Variants in ADAMTS9 observed in about 807,000 individuals in gnomAD.
The protein encoded by ADAMTS9 is A disintegrin and metalloproteinase with thrombospondin motifs 9.
ADAMTS9 carries 107 observed loss-of-function variants against 257.1 expected under a neutral mutation model. That is an observed-to-expected ratio of 0.42 (90% CI 0.36 to 0.49). ADAMTS9 has a LOEUF of 0.49. Among genes scored for constraint, ADAMTS9 ranks in the 20% least tolerant of loss-of-function variants. The pLI is 0.03. For missense variants in ADAMTS9, 2,353 were observed against 2,469.1 expected, an observed-to-expected ratio of 0.95 and a Z score of 1.00; for synonymous variants, 982 against 880.9, an observed-to-expected ratio of 1.11 and a Z score of -2.03.
At position 64,687,514 on chromosome 3, in the gene ADAMTS9, C is replaced by A. The variant is rs1211960187; in HGVS notation, c.115+29G>T. On this transcript the variant is annotated intron_variant, in intron 1 of 39. Transcript: ENST00000498707. The surrounding 1 kb of genome is among the most constrained non-coding windows in gnomAD (Gnocchi z 4.4). ...GACCGGGAGGCGGCGTCGGGGCCGG[C>A]GGGGTCCCGGGGGCCGGAGCCTGGT... is the stretch of plus-strand genomic sequence containing the variant. The A allele has an allele frequency of 1.9e-5, 28 of 1,497,702 alleles. No individual in the cohort carries two copies. In the South Asian group the frequency reaches 3.3e-4, roughly 18 times the overall value. 92.8% of individuals were successfully genotyped at this position (1,497,702 alleles called of 1,614,324 possible).
chr3:64,634,679 G>A (rs953603236), intron 12 of ADAMTS9, among the ~76,000 whole-genome samples: 1 of 152,150 alleles, frequency 6.6e-6, no homozygotes, highest in Non-Finnish European at 1.5e-5. Flanking sequence ...ATGGAAACAG[G>A]AAGATCACAG....
At chr3:64,561,080 T>TTA (rs2083413382) in intron 30 of ADAMTS9, among the ~76,000 whole-genome samples, 3 of 151,398 alleles carry the variant, frequency 2.0e-5, no homozygotes, top group Admixed American at 6.6e-5. Context: ...TTTTTTTTTT[T>TTA]AAATGTTAGA....
At chr3:64,522,124 T>C in intron 39 of ADAMTS9, 42 bp downstream of exon 39, 7 of 1,580,120 alleles carry the variant, frequency 4.4e-6, no homozygotes, top group Non-Finnish European at 6.1e-6. Flanking sequence ...CAGAAAAAAA[T>C]AAAAGACAAA....
chr3:64,572,871 A>G (rs537502708), intron 28 of ADAMTS9, among the ~76,000 whole-genome samples: 6 of 152,136 alleles, frequency 3.9e-5, no homozygotes, highest in African/African-American at 1.4e-4. Flanking sequence ...CAAGGTCAAG[A>G]GATCAGGACC....
At chr3:64,522,310 G>T in intron 38 of ADAMTS9, 50 bp from the exon 39 acceptor site, 1 of 1,552,232 alleles carries the variant, frequency 6.4e-7, no homozygotes, top group South Asian at 1.1e-5. Context: ...AATGCTTTCA[G>T]GGCCTGCACT....
chr3:64,673,329 G>A (rs1701536277), intron 3 of ADAMTS9, among the ~76,000 whole-genome samples: 1 of 152,118 alleles, frequency 6.6e-6, no homozygotes, highest in South Asian at 2.1e-4. Flanking sequence ...AATGGCCCAG[G>A]GGCTTTGCTC....
At chr3:64,564,515 C>T (rs1340877812) in intron 29 of ADAMTS9, among the ~76,000 whole-genome samples, 1 of 152,068 alleles carries the variant, frequency 6.6e-6, no homozygotes, top group African/African-American at 2.4e-5. Context: ...AATAATAACA[C>T]AAACTTTTAC....
chr3:64,601,340 C>T (rs940615196), intron 26 of ADAMTS9, among the ~76,000 whole-genome samples: 2 of 152,144 alleles, frequency 1.3e-5, no homozygotes, highest in Non-Finnish European at 2.9e-5. Flanking sequence ...GAGAAGGGAC[C>T]TGCAGAAGGT....
intron 11 of ADAMTS9, among the ~76,000 whole-genome samples, 176 bp from the exon 12 acceptor site, chr3:64,642,169 T>G (rs1700663157): frequency 6.6e-6 from 1 of 152,204 alleles, no homozygotes; most frequent in Admixed American, 6.5e-5. Context: ...TCACACTTAG[T>G]GATTTTAGGC....
intron 28 of ADAMTS9, chr3:64,588,055 G>A (rs2084192335): frequency 6.6e-6 from 1 of 152,090 alleles, no homozygotes; most frequent in South Asian, 2.1e-4. Flanking sequence ...TCTCCAATAG[G>A]AGGTTTTTAA....
chr3:64,619,381 C>A (rs111660288), intron 19 of ADAMTS9, among the ~76,000 whole-genome samples: 2 of 152,208 alleles, frequency 1.3e-5, no homozygotes, highest in African/African-American at 4.8e-5. Flanking sequence ...TAACACTCAT[C>A]GTTATAACTG....
At chr3:64,539,039 G>A (rs559749545) in intron 37 of ADAMTS9, among the ~76,000 whole-genome samples, 164 bp downstream of exon 37, 222 of 152,256 alleles carry the variant, frequency 1.5e-3, no homozygotes, top group Non-Finnish European at 2.6e-3. Context: ...GCTGAATTAC[G>A]AGATTAGACT....
rs180981480 is a variant in ADAMTS9, at chr3:64,627,678, G to A, written c.2389+3777C>T. Among the ~76,000 whole-genome samples the A allele has an allele frequency of 3.0e-3, 450 of 152,170 alleles. 3 individuals carry two copies. Among genetic ancestry groups the A allele is most frequent in the African/African-American group, 3.6e-3 (149 of 41,516 alleles). On this transcript the variant is annotated intron_variant, in intron 16 of 39. Transcript: ENST00000498707. ...CTAATGCCCAACCTCCCACTAATGC[G>A]ATTAAGGGAGCTAATTTCCTGGGTT...
intron 30 of ADAMTS9, among the ~76,000 whole-genome samples, chr3:64,553,527 A>G (rs559748912): frequency 6.6e-6 from 1 of 152,090 alleles, no homozygotes; most frequent in East Asian, 1.9e-4. Flanking sequence ...ACAAATTTAA[A>G]CACCTATTTT....
At chr3:64,613,989 G>T (rs1283308760) in intron 21 of ADAMTS9, among the ~76,000 whole-genome samples, 1 of 152,120 alleles carries the variant, frequency 6.6e-6, no homozygotes, top group East Asian at 1.9e-4. Context: ...AATGCCAAAT[G>T]TAATCATCAT....
intron 29 of ADAMTS9, among the ~76,000 whole-genome samples, chr3:64,567,001 AT>A (rs879293054): frequency 1.0e-4 from 15 of 150,084 alleles, no homozygotes; most frequent in African/African-American, 2.4e-4. Context: ...CTGGGTATAG[AT>A]TTTTTTTTTA....
At chr3:64,600,984 G>A (rs7615234) in intron 26 of ADAMTS9, among the ~76,000 whole-genome samples, 4 of 151,978 alleles carry the variant, frequency 2.6e-5, no homozygotes, top group African/African-American at 7.3e-5. Context: ...ACCTAACTAC[G>A]TCCCTACCCA....
At chr3:64,522,290 C>A in intron 38 of ADAMTS9, 30 bp from the exon 39 acceptor site, 1 of 1,604,888 alleles carries the variant, frequency 6.2e-7, no homozygotes, top group Non-Finnish European at 8.5e-7. Flanking sequence ...GTTAGCCTGC[C>A]TGCTTGGTTA....
At chr3:64,665,501 G>C (rs1701331834) in intron 3 of ADAMTS9, among the ~76,000 whole-genome samples, 3 of 152,198 alleles carry the variant, frequency 2.0e-5, no homozygotes, top group Admixed American at 2.0e-4. Flanking sequence ...TAGTGCATAG[G>C]AACGAATGAA....
Sources: gnomAD v4.1 joint callset for allele counts (sites outside exome capture counted in the v4.1 genomes callset) on GRCh38, gnomAD v4.1.1 for gene constraint, Gnocchi (gnomAD v3.1) non-coding constraint, MANE v1.5 for transcripts, NCBI Gene and HGNC (gene_info 2026-07-23, HGNC 2026-07-21) for gene names.